SUGCT: variants seen among roughly 807,000 people sequenced by gnomAD.
SUGCT encodes succinyl-CoA:glutarate-CoA transferase, also known as succinyl-CoA:glutarate CoA-transferase.
Under a neutral mutation model 55.0 loss-of-function variants are expected in SUGCT, and 41 were observed. That is an observed-to-expected ratio of 0.74 (90% CI 0.58 to 0.97). The LOEUF (loss-of-function observed/expected upper bound fraction) is 0.97, where lower values mean the gene tolerates loss of function less well. Ranked by LOEUF, SUGCT falls within the 50% of genes least tolerant of loss-of-function variation. The pLI is 0.00. For synonymous variants in SUGCT, 187 were observed against 200.4 expected (o/e 0.93, Z 0.56); for missense variants, 568 against 547.8 (o/e 1.04, Z -0.37).
At chr7:40,899,759 A>T in the SUGCT span, among the ~76,000 whole-genome samples, 2 of 152,232 alleles carry the variant, frequency 1.3e-5, no homozygotes, top group East Asian at 3.9e-4. Context: ...AAGAGGAAAA[A>T]AAACTTCAAA....
chr7:40,727,428 G>A (rs1467267797), intron 12 of SUGCT, among the ~76,000 whole-genome samples: 1 of 152,092 alleles, frequency 6.6e-6, no homozygotes, highest in Non-Finnish European at 1.5e-5. Context: ...CTCCTCTCTT[G>A]TAAGCAATTT....
chr7:40,705,984 T>C (rs545701270), intron 12 of SUGCT, among the ~76,000 whole-genome samples: 1 of 152,344 alleles, frequency 6.6e-6, no homozygotes, highest in East Asian at 1.9e-4. Context: ...AGAAAAACTC[T>C]ATCTGCTTCA....
chr7:40,678,225 G>A (rs1784090879), intron 12 of SUGCT, among the ~76,000 whole-genome samples: 1 of 152,172 alleles, frequency 6.6e-6, no homozygotes, highest in African/African-American at 2.4e-5. Context: ...ATCATTGGTT[G>A]CCGTCGTGGA....
the SUGCT span, among the ~76,000 whole-genome samples, chr7:40,902,046 A>G: frequency 6.6e-6 from 1 of 152,214 alleles, no homozygotes; most frequent in African/African-American, 2.4e-5. Context: ...ACATGGGCTC[A>G]GAATTCGAGC....
intron 8 of SUGCT, among the ~76,000 whole-genome samples, chr7:40,288,970 T>G (rs529328484): frequency 1.3e-5 from 2 of 152,146 alleles, no homozygotes; most frequent in Non-Finnish European, 2.9e-5. Flanking sequence ...TTTCAGTCTT[T>G]TCTTTCTTCC....
intron 9 of SUGCT, among the ~76,000 whole-genome samples, chr7:40,332,559 A>T (rs1584702038): frequency 6.6e-6 from 1 of 150,956 alleles, no homozygotes; most frequent in Non-Finnish European, 1.5e-5. Flanking sequence ...TTTTTTGCCT[A>T]CCATGTCATT....
the SUGCT span, among the ~76,000 whole-genome samples, chr7:40,876,466 GA>G: frequency 6.6e-6 from 1 of 152,102 alleles, no homozygotes; most frequent in Admixed American, 6.5e-5. Flanking sequence ...CATACTAGAA[GA>G]AATACAGGCT....
intron 9 of SUGCT, among the ~76,000 whole-genome samples, chr7:40,436,599 T>A (rs1341651596): frequency 6.6e-6 from 1 of 152,208 alleles, no homozygotes; most frequent in Non-Finnish European, 1.5e-5. Flanking sequence ...GCCTTTAGTC[T>A]GAGGTAAATG....
intron 13 of SUGCT, among the ~76,000 whole-genome samples, chr7:40,800,843 T>C (rs1040814972): frequency 6.6e-6 from 1 of 152,188 alleles, no homozygotes; most frequent in African/African-American, 2.4e-5. Context: ...TTCACACATA[T>C]TAATTAACTT....
the SUGCT span, among the ~76,000 whole-genome samples, chr7:40,882,599 A>G: frequency 6.6e-6 from 1 of 152,206 alleles, no homozygotes; most frequent in African/African-American, 2.4e-5. Flanking sequence ...TAAGGCTCAC[A>G]CTAATTGCAT....
At chr7:40,186,106 CCTTCCTTCCTTCCTTT>C (rs1029048262) in intron 3 of SUGCT, among the ~76,000 whole-genome samples, 7 of 149,736 alleles carry the variant, frequency 4.7e-5, no homozygotes, top group Non-Finnish European at 8.9e-5. Flanking sequence ...TTCCTTCCTT[CCTTCCTTCCTTCCTTT>C]CTTTCCTTCT....
chr7:40,291,517 AG>A (rs1793765719), intron 8 of SUGCT, among the ~76,000 whole-genome samples: 1 of 58,522 alleles, frequency 1.7e-5, no homozygotes, highest in African/African-American at 6.8e-5. Context: ...GGGTGGGGGG[AG>A]GGGGGAGGGA....
chr7:40,709,971 G>C (rs1028161941), intron 12 of SUGCT, among the ~76,000 whole-genome samples: 1 of 152,154 alleles, frequency 6.6e-6, no homozygotes, highest in African/African-American at 2.4e-5. Context: ...ACTGAAGATT[G>C]CCTTGAAGAC....
the SUGCT span, among the ~76,000 whole-genome samples, chr7:41,035,200 G>A: frequency 2.6e-5 from 4 of 152,192 alleles, no homozygotes; most frequent in Non-Finnish European, 5.9e-5. Flanking sequence ...AGAAAAGAAG[G>A]TTCTTGAAAC....
At chr7:40,945,696 A>G in the SUGCT span, among the ~76,000 whole-genome samples, 3 of 152,138 alleles carry the variant, frequency 2.0e-5, no homozygotes, top group East Asian at 1.9e-4. Flanking sequence ...AACGTCTGCC[A>G]TGTGGATTAT....
At chr7:40,937,541 A>G in the SUGCT span, among the ~76,000 whole-genome samples, 1 of 152,094 alleles carries the variant, frequency 6.6e-6, no homozygotes, top group African/African-American at 2.4e-5. Flanking sequence ...TTTCCCTTCA[A>G]TTCTGTCACT....
chr7:40,241,562 AAG>A (rs1238073596), intron 7 of SUGCT, among the ~76,000 whole-genome samples: 1 of 151,370 alleles, frequency 6.6e-6, no homozygotes, highest in Non-Finnish European at 1.5e-5. Context: ...CTGGGTGTGA[AAG>A]AGAGACTCTG....
intron 9 of SUGCT, among the ~76,000 whole-genome samples, chr7:40,332,730 G>C (rs1796393728): frequency 6.6e-6 from 1 of 152,136 alleles, no homozygotes; most frequent in African/African-American, 2.4e-5. Flanking sequence ...GCATTAATGT[G>C]GGGGGCCAGA....
rs765904852 is a variant in SUGCT at position 40,274,594 on chromosome 7, T to C, written c.658T>C (p.Leu220=). Residue 220 remains leucine, a synonymous_variant, in exon 8 of 14, where the codon TTG becomes CTG. Coordinates refer to ENST00000335693, the MANE Select transcript of SUGCT (RefSeq NM_001193313.2). ...TGCATATGGAGCTATTATGGCTGGA[T>C]TGATACAAAAATACAAAACTGGGAA... ...LYAYGAIMAG[L]IQKYKTGKGL... The C allele has an allele frequency of 1.9e-6, 3 of 1,613,822 alleles. No individual in the cohort carries two copies. The South Asian group carries it at 3.3e-5, about 18-fold the overall frequency.
Sources: allele counts gnomAD v4.1 joint callset (sites outside exome capture counted in the v4.1 genomes callset), GRCh38; gene constraint gnomAD v4.1.1; transcripts MANE v1.5; gene names NCBI Gene and HGNC (gene_info 2026-07-23, HGNC 2026-07-21).